Variants in USP37 observed in about 807,000 individuals in gnomAD.
The protein encoded by USP37 is ubiquitin specific peptidase 37.
In USP37, 27 loss-of-function variants were observed where a neutral mutation model predicts 124.0. The observed-to-expected ratio is 0.22, with a 90% CI of 0.16 to 0.30. The LOEUF (loss-of-function observed/expected upper bound fraction) is 0.30, where lower values mean the gene tolerates loss of function less well. Among genes scored for constraint, USP37 ranks in the 10% least tolerant of loss-of-function variants. The pLI, the probability that USP37 is intolerant of heterozygous loss-of-function variation, is 1.00. For synonymous variants in USP37, 365 were observed against 388.0 expected, an observed-to-expected ratio of 0.94 and a Z score of 0.70; for missense variants, 889 against 1,140.4, an observed-to-expected ratio of 0.78 and a Z score of 3.17.
rs149469878 is a variant in USP37, at chr2:218,459,501, G to A, written c.2643+289C>T. Among the ~76,000 whole-genome samples, 89 of 152,294 alleles carry A rather than the reference G, an allele frequency of 5.8e-4. No homozygotes were observed. In the East Asian group the frequency reaches 0.016, roughly 28 times the overall value. On this transcript the variant is annotated intron_variant, in intron 23 of 25. Coordinates refer to ENST00000258399, the MANE Select transcript of USP37 (RefSeq NM_020935.3). ...ATTACAGGCGTGAGCCACCATGCCC[G>A]GCCAACTAAAGGTAATTTAATACAT...
At chr2:218,533,312 T>C (rs535261275) in intron 9 of USP37, among the ~76,000 whole-genome samples, 4 of 152,308 alleles carry the variant, frequency 2.6e-5, no homozygotes, top group African/African-American at 9.6e-5. Flanking sequence ...TTAAACAGTA[T>C]CAATTGACTC....
At chr2:218,479,531 A>G (rs1691136583) in intron 18 of USP37, 119 bp downstream of exon 18, 1 of 806,090 alleles carries the variant, frequency 1.2e-6, no homozygotes, top group African/African-American at 1.8e-5. Flanking sequence ...TATAGGTAAT[A>G]AAGAGCATTA....
intron 10 of USP37, among the ~76,000 whole-genome samples, chr2:218,526,673 A>C (rs1690983866): frequency 6.7e-6 from 1 of 149,714 alleles, no homozygotes; most frequent in Non-Finnish European, 1.5e-5. Context: ...TTCATTTATT[A>C]CTTCTTTGCC....
In USP37 at chr2:218,503,998, GAC is replaced by G. The variant is rs199690548; in HGVS notation, c.1026-5843_1026-5842del. 6.4e-3 allele frequency among the ~76,000 whole-genome samples: 980 copies of G among 152,232 alleles called. 11 individuals are homozygous for G. Among genetic ancestry groups the G allele is most frequent in the African/African-American group, 0.023 (941 of 41,516 alleles). On this transcript the variant is annotated intron_variant, in intron 11 of 25. Coordinates refer to ENST00000258399, the MANE Select transcript of USP37 (RefSeq NM_020935.3). ...AAATGTGGAGTCACTATTAATATAA[GAC>G]ACAGCAGACTTCAGAAAAATATTAT...
intron 1 of USP37, among the ~76,000 whole-genome samples, chr2:218,564,303 C>T (rs1477978274): frequency 6.6e-6 from 1 of 152,224 alleles, no homozygotes; most frequent in Non-Finnish European, 1.5e-5. Flanking sequence ...AAATGCCATA[C>T]ATGCATTATC....
rs1238328344 is a variant in USP37 at position 218,563,925 on chromosome 2, G to GCC, written c.-229-1113_-229-1112insGG. On this transcript the variant is annotated intron_variant, in intron 1 of 25. Transcript: ENST00000258399. ...GTTCTCACTAAAAATACAAAATTTAGCTGGGTGTGGTGGCACACACCTGTA... is the reference window on the plus strand; with the variant it reads ...GTTCTCACTAAAAATACAAAATTTAGCCCTGGGTGTGGTGGCACACACCTGTA... Among the ~76,000 whole-genome samples the GCC allele has an allele frequency of 4.6e-5, 7 of 152,072 alleles. No homozygotes were observed. The East Asian group carries it at 9.6e-4, about 21-fold the overall frequency.
At chr2:218,485,418 T>G (rs1428106551) in intron 16 of USP37, among the ~76,000 whole-genome samples, 1 of 152,082 alleles carries the variant, frequency 6.6e-6, no homozygotes, top group African/African-American at 2.4e-5. Context: ...CCTCCCAAAG[T>G]GCTAGGATTA....
intron 9 of USP37, 108 bp downstream of exon 9, chr2:218,534,501 T>C: frequency 3.9e-6 from 2 of 515,402 alleles, no homozygotes; most frequent in Non-Finnish European, 5.6e-6. Flanking sequence ...AAAATATATA[T>C]AAATAAATAA....
At chr2:218,466,876 G>A (rs1322656643) in intron 20 of USP37, among the ~76,000 whole-genome samples, 1 of 151,854 alleles carries the variant, frequency 6.6e-6, no homozygotes, top group Non-Finnish European at 1.5e-5. Context: ...TGGGATTACA[G>A]GTGCACGCCA....
At chr2:218,512,688 C>T (rs1213425527) in intron 10 of USP37, among the ~76,000 whole-genome samples, 1 of 152,168 alleles carries the variant, frequency 6.6e-6, no homozygotes, top group African/African-American at 2.4e-5. Context: ...CTGCATTCCT[C>T]TAACCTAAAA....
intron 8 of USP37, among the ~76,000 whole-genome samples, chr2:218,538,893 A>G (rs1240694711): frequency 6.6e-6 from 1 of 152,224 alleles, no homozygotes; most frequent in Non-Finnish European, 1.5e-5. Context: ...GAAACCACAG[A>G]TAGTATAGAA....
intron 22 of USP37, among the ~76,000 whole-genome samples, chr2:218,462,638 C>T (rs1028032657): frequency 3.3e-5 from 5 of 151,912 alleles, no homozygotes; most frequent in Admixed American, 1.3e-4. Flanking sequence ...TTCTAGGAGT[C>T]GTAACAGTGG....
chr2:218,528,030 G>A (rs910772701), intron 10 of USP37, among the ~76,000 whole-genome samples: 7 of 151,868 alleles, frequency 4.6e-5, no homozygotes, highest in East Asian at 3.9e-4. Context: ...GTGAAACCCC[G>A]TCTCCACTAA....
Position 218,450,833 on chromosome 2 carries a change from C to T in USP37, c.*4097G>A, listed in dbSNP as rs1004798591. 1 of 152,186 alleles carries T rather than the reference C, an allele frequency of 6.6e-6. No individual in the cohort carries two copies. The highest frequency in any genetic ancestry group is 2.4e-5 in the African/African-American group (1 of 41,446). 9.4% of individuals were successfully genotyped at this position (152,186 alleles called of 1,614,324 possible). A position where few individuals can be genotyped will look rare whatever the true frequency, so the allele number is the denominator to read the frequency against. On this transcript the variant is annotated 3_prime_UTR_variant, in exon 26 of 26. Coordinates refer to ENST00000258399, the MANE Select transcript of USP37 (RefSeq NM_020935.3). ...TAAGAAAAGTCCAATGTTACAAAAT[C>T]AAATGCTTATATTCAGACTGGCACA...
chr2:218,498,315 T>C, intron 11 of USP37, 158 bp from the exon 12 acceptor site: 1 of 659,170 alleles, frequency 1.5e-6, no homozygotes, highest in Non-Finnish European at 2.3e-6. Flanking sequence ...ATTCAGTAGG[T>C]TTGGACACAA....
intron 1 of USP37, among the ~76,000 whole-genome samples, chr2:218,566,370 T>C (rs1027766150): frequency 8.5e-5 from 13 of 152,218 alleles, no homozygotes; most frequent in Admixed American, 7.9e-4. Context: ...AGAACCAGGT[T>C]ATGCAGTCTT....
At chr2:218,526,068 G>A (rs1361499949) in intron 10 of USP37, among the ~76,000 whole-genome samples, 2 of 152,034 alleles carry the variant, frequency 1.3e-5, no homozygotes, top group African/African-American at 2.4e-5. Flanking sequence ...TATGTATCAC[G>A]TTCTTTATCC....
At chr2:218,506,649 A>G (rs796554694) in intron 11 of USP37, among the ~76,000 whole-genome samples, 16 of 120,950 alleles carry the variant, frequency 1.3e-4, no homozygotes, top group African/African-American at 4.9e-4. Context: ...TTTCCTTTTT[A>G]AAGCCCATTT....
At chr2:218,483,028 C>G (rs993420532) in intron 16 of USP37, among the ~76,000 whole-genome samples, 1 of 152,108 alleles carries the variant, frequency 6.6e-6, no homozygotes, top group Admixed American at 6.6e-5. Context: ...CTGATTCTTA[C>G]CATATATGCC....
Sources: gnomAD v4.1 joint callset for allele counts (sites outside exome capture counted in the v4.1 genomes callset) on GRCh38, gnomAD v4.1.1 for gene constraint, MANE v1.5 for transcripts, NCBI Gene and HGNC (gene_info 2026-07-23, HGNC 2026-07-21) for gene names.